The following CNTN1 variants were observed in gnomAD, a reference collection of about 807,000 sequenced individuals.
CNTN1 encodes contactin 1, also known as contactin-1.
Under a neutral mutation model 126.4 loss-of-function variants are expected in CNTN1, and 38 were observed. The ratio of observed to expected loss-of-function variants is 0.30; its 90% CI spans 0.23 to 0.39. The LOEUF (loss-of-function observed/expected upper bound fraction) is 0.39. CNTN1 is among the 10% of genes least tolerant of loss of function. The pLI, the probability that CNTN1 is intolerant of heterozygous loss-of-function variation, is 1.00. For synonymous variants in CNTN1, 413 were observed against 422.6 expected, an observed-to-expected ratio of 0.98 and a Z score of 0.28; for missense variants, 1,009 against 1,248.4, an observed-to-expected ratio of 0.81 and a Z score of 2.89.
At chr12:40,913,135 T>A (rs1945103732) in intron 3 of CNTN1, among the ~76,000 whole-genome samples, 1 of 152,232 alleles carries the variant, frequency 6.6e-6, no homozygotes, top group Admixed American at 6.5e-5. Flanking sequence ...CTGACTATAT[T>A]CTTTATTCTA....
At chr12:40,835,631 C>T (rs767759979) in intron 1 of CNTN1, among the ~76,000 whole-genome samples, 2 of 152,028 alleles carry the variant, frequency 1.3e-5, no homozygotes, top group Non-Finnish European at 2.9e-5. Context: ...TATCTGTATT[C>T]CCATCAATCC....
chr12:40,813,973 G>A (rs937768836), intron 1 of CNTN1, among the ~76,000 whole-genome samples: 2 of 151,832 alleles, frequency 1.3e-5, no homozygotes, highest in East Asian at 3.9e-4. Context: ...TCATATGTTT[G>A]TTGGCCGTGT....
chr12:40,890,155 T>C lies in CNTN1; in HGVS notation c.-76-18202T>C, dbSNP rs535138720. On this transcript the variant is annotated intron_variant, in intron 1 of 23. Transcript: ENST00000551295. ...TCACCTTTCCTGTGACTCCCCACTG[T>C]ACTTTATTTCTCCTTATAATTTTGT... Among the ~76,000 whole-genome samples the C allele has an allele frequency of 4.6e-5, 7 of 152,328 alleles. No homozygotes were observed. In the South Asian group the frequency reaches 6.2e-4, roughly 14 times the overall value.
chr12:40,843,484 T>C (rs567421482), intron 1 of CNTN1, among the ~76,000 whole-genome samples: 1 of 152,324 alleles, frequency 6.6e-6, no homozygotes, highest in South Asian at 2.1e-4. Flanking sequence ...GAAACAATAT[T>C]CTGCTTATCT....
chr12:40,825,340 T>C (rs1196132862), intron 1 of CNTN1, among the ~76,000 whole-genome samples: 1 of 152,132 alleles, frequency 6.6e-6, no homozygotes, highest in Non-Finnish European at 1.5e-5. Context: ...AGACAAATTA[T>C]GCATTTTCCA....
chr12:40,951,026 A>AT (rs1946655910), intron 14 of CNTN1, among the ~76,000 whole-genome samples: 1 of 152,046 alleles, frequency 6.6e-6, no homozygotes, highest in Non-Finnish European at 1.5e-5. Context: ...GTCCAAGAAG[A>AT]TTTTTAGAAC....
chr12:40,902,021 G>C (rs1338295368), intron 1 of CNTN1, among the ~76,000 whole-genome samples: 3 of 152,154 alleles, frequency 2.0e-5, no homozygotes, highest in Non-Finnish European at 4.4e-5. Context: ...TAACTGGAGA[G>C]AGATAATATT....
In CNTN1 at chr12:41,064,577, A is replaced by T. The variant is rs115351623; in HGVS notation, c.2981-5382A>T. 3.4e-3 allele frequency among the ~76,000 whole-genome samples: 525 copies of T among 152,332 alleles called. 2 individuals carry two copies. Among genetic ancestry groups the T allele is most frequent in the African/African-American group, 0.012 (489 of 41,560 alleles). ...AAGCAGTTGTTTTCAAACCGTGATA[A>T]GCAGAGTCCCACATGTTCCATGGGG... On this transcript the variant is annotated intron_variant, in intron 23 of 23. Transcript: ENST00000551295.
intron 12 of CNTN1, among the ~76,000 whole-genome samples, chr12:40,942,673 A>G (rs894711997): frequency 2.6e-5 from 4 of 152,088 alleles, no homozygotes; most frequent in Non-Finnish European, 5.9e-5. Context: ...AGCTTCCATG[A>G]TCTTAAATAA....
rs553542486 is a variant in CNTN1 at position 41,013,072 on chromosome 12, G to T, written c.2114-1156G>T. 1.5e-3 allele frequency among the ~76,000 whole-genome samples: 221 copies of T among 152,256 alleles called. 3 individuals are homozygous for T. The Middle Eastern group carries it at 0.048, about 33-fold the overall frequency. On this transcript the variant is annotated intron_variant, in intron 17 of 23. Transcript: ENST00000551295. ...AGACTGGCTGGCGTTGAATGCGCTGGATTTTATAGTCAGGTTTGAGGAGGT... is the reference window on the plus strand; with the variant it reads ...AGACTGGCTGGCGTTGAATGCGCTGTATTTTATAGTCAGGTTTGAGGAGGT...
At chr12:40,718,807 C>G (rs542222579) in intron 1 of CNTN1, among the ~76,000 whole-genome samples, 19 of 152,206 alleles carry the variant, frequency 1.2e-4, no homozygotes, top group Admixed American at 1.2e-3. Context: ...TCACACCTGC[C>G]CTTCAAAACT....
rs150342983 is a variant in CNTN1 at position 40,967,169 on chromosome 12, C to A, written c.1804+7935C>A. Reference sequence around the variant, plus strand: ...GCAGTAGAGCGAGACTCCATCTCATCTCAAATAATAATAATTATAATAATA... The same window carrying A: ...GCAGTAGAGCGAGACTCCATCTCATATCAAATAATAATAATTATAATAATA... On this transcript the variant is annotated intron_variant, in intron 15 of 23. Coordinates refer to ENST00000551295, the MANE Select transcript of CNTN1 (RefSeq NM_001843.4). Among the ~76,000 whole-genome samples the A allele has an allele frequency of 1.2e-3, 178 of 151,604 alleles. 1 individual carries two copies. Among genetic ancestry groups the A allele is most frequent in the African/African-American group, 4.1e-3 (169 of 41,344 alleles).
Position 41,029,151 on chromosome 12 carries a change from A to T in CNTN1, c.2912A>T (p.Glu971Val). 1 of 1,614,074 alleles carries T rather than the reference A, an allele frequency of 6.2e-7. No homozygotes were observed. ...SIEVPIPRDGEYVVEVRAHSD... is the reference protein window; with the variant it reads ...SIEVPIPRDGVYVVEVRAHSD... ...GAAGTCCCAATCCCCAGAGATGGAG[A>T]ATACGTTGTGGAGGTTCGCGCGCAC... Residue 971 changes from glutamate (E) to valine (V), a missense_variant, in exon 23 of 24, where the codon GAA becomes GTA. Transcript: ENST00000551295.
chr12:40,735,433 A>T (rs982199223), intron 1 of CNTN1, among the ~76,000 whole-genome samples: 1 of 152,138 alleles, frequency 6.6e-6, no homozygotes, highest in African/African-American at 2.4e-5. Context: ...CCCACGGAAA[A>T]ATCACCTATA....
intron 1 of CNTN1, among the ~76,000 whole-genome samples, chr12:40,746,543 G>A (rs1231837729): frequency 6.6e-6 from 1 of 152,090 alleles, no homozygotes; most frequent in Non-Finnish European, 1.5e-5. Context: ...TTTGGAAGAG[G>A]CCCAATAGGT....
chr12:40,941,059 C>T (rs1565997548), intron 12 of CNTN1, among the ~76,000 whole-genome samples: 1 of 152,156 alleles, frequency 6.6e-6, no homozygotes, highest in East Asian at 1.9e-4. Flanking sequence ...TTTCCCAGAA[C>T]TATGTTTCAT....
At position 40,877,752 on chromosome 12, in the gene CNTN1, C is replaced by T. The variant is rs188194641; in HGVS notation, c.-76-30605C>T. Reference sequence around the variant, plus strand: ...GTTACTTCAACTTGTTCTCTCTATACCATTTCATATGCCTGTTTTTCTGAT... The same window carrying T: ...GTTACTTCAACTTGTTCTCTCTATATCATTTCATATGCCTGTTTTTCTGAT... On this transcript the variant is annotated intron_variant, in intron 1 of 23. Coordinates refer to ENST00000551295, the MANE Select transcript of CNTN1 (RefSeq NM_001843.4). Among the ~76,000 whole-genome samples, 384 of 152,182 alleles carry T rather than the reference C, an allele frequency of 2.5e-3. 1 individual carries two copies. Among genetic ancestry groups the T allele is most frequent in the Non-Finnish European group, 4.5e-3 (305 of 67,988 alleles).
At chr12:41,032,679 A>G (rs947381206) in intron 23 of CNTN1, among the ~76,000 whole-genome samples, 5 of 152,242 alleles carry the variant, frequency 3.3e-5, no homozygotes, top group African/African-American at 1.2e-4. Context: ...ATGGCCAGCA[A>G]TTAAGGTAGC....
chr12:40,887,175 C>T (rs536369253), intron 1 of CNTN1, among the ~76,000 whole-genome samples: 252 of 151,294 alleles, frequency 1.7e-3, no homozygotes, highest in Non-Finnish European at 2.9e-3. Flanking sequence ...GCCATTTTCA[C>T]GATATTGATT....
Sources: gnomAD v4.1 joint callset for allele counts (sites outside exome capture counted in the v4.1 genomes callset) on GRCh38, gnomAD v4.1.1 for gene constraint, MANE v1.5 for transcripts, NCBI Gene and HGNC (gene_info 2026-07-23, HGNC 2026-07-21) for gene names.